Variants in CALN1 observed in about 807,000 individuals in gnomAD.
The protein encoded by CALN1 is calcium-binding protein 8.
A neutral mutation model predicts 30.6 loss-of-function variants in CALN1; 17 were observed. The ratio of observed to expected loss-of-function variants is 0.56; its 90% CI spans 0.38 to 0.83. The LOEUF (loss-of-function observed/expected upper bound fraction) is 0.83, where lower values mean the gene tolerates loss of function less well. CALN1 is among the 40% of genes least tolerant of loss of function. The pLI is 0.00. For synonymous variants in CALN1, 156 were observed against 131.4 expected (o/e 1.19, Z -1.28); for missense variants, 291 against 354.9 (o/e 0.82, Z 1.45).
intron 3 of CALN1, among the ~76,000 whole-genome samples, chr7:72,268,204 G>T (rs1173498064): frequency 6.6e-6 from 1 of 152,124 alleles, no homozygotes; most frequent in African/African-American, 2.4e-5. Context: ...TGAATGAATA[G>T]GTAGGGATTT....
At chr7:71,976,326 A>C (rs1476667958) in intron 5 of CALN1, among the ~76,000 whole-genome samples, 3 of 152,116 alleles carry the variant, frequency 2.0e-5, no homozygotes, top group Non-Finnish European at 4.4e-5. Context: ...GCTGGACGTG[A>C]CCTTCCAGGG....
chr7:71,889,543 C>T (rs745595687), intron 5 of CALN1, among the ~76,000 whole-genome samples: 36 of 152,214 alleles, frequency 2.4e-4, no homozygotes, highest in Non-Finnish European at 3.4e-4. Flanking sequence ...AACCACATCC[C>T]GAAAGGCCCC....
chr7:71,787,564 A>C lies in CALN1; in HGVS notation c.*211T>G. The C allele has an allele frequency of 1.9e-6, 1 of 539,488 alleles. No individual in the cohort carries two copies. Among genetic ancestry groups the C allele is most frequent in the South Asian group, 3.3e-5 (1 of 30,006 alleles). 33.4% of individuals were successfully genotyped at this position (539,488 alleles called of 1,614,324 possible). On this transcript the variant is annotated 3_prime_UTR_variant, in exon 7 of 7. Coordinates refer to ENST00000395275, the MANE Select transcript of CALN1 (RefSeq NM_031468.4). ...CATTAGAAAACAAAACCATTAAAGCACTGAAGACAGCCCTTTAGTGTCCCT... is the reference window on the plus strand; with the variant it reads ...CATTAGAAAACAAAACCATTAAAGCCCTGAAGACAGCCCTTTAGTGTCCCT...
rs111509013 is a variant in CALN1, at chr7:72,367,483, G to A, written c.119+35768C>T. Reference sequence around the variant, plus strand: ...TGCAAAAATAAATTGAAAAATTAACGGTGTGGTGGTGCATGCCTGTGATCC... The same window carrying A: ...TGCAAAAATAAATTGAAAAATTAACAGTGTGGTGGTGCATGCCTGTGATCC... On this transcript the variant is annotated intron_variant, in intron 2 of 6. Coordinates refer to ENST00000395275, the MANE Select transcript of CALN1 (RefSeq NM_031468.4). Among the ~76,000 whole-genome samples, 548 of 152,086 alleles carry A rather than the reference G, an allele frequency of 3.6e-3. 4 individuals are homozygous for A. Among genetic ancestry groups the A allele is most frequent in the Middle Eastern group, 0.017 (5 of 294 alleles).
At position 72,032,052 on chromosome 7, in the gene CALN1, C is replaced by CTTTT. The variant is rs1184047697; in HGVS notation, c.389-8287_389-8284dup. 1.2e-3 allele frequency among the ~76,000 whole-genome samples: 83 copies of CTTTT among 66,580 alleles called. 1 individual carries two copies. Among genetic ancestry groups the CTTTT allele is most frequent in the Non-Finnish European group, 1.8e-3 (60 of 34,030 alleles). The allele number at this position is 66,580 out of a possible 152,430, so 43.7% of individuals were successfully genotyped here. A position where few individuals can be genotyped will look rare whatever the true frequency, so the allele number is the denominator to read the frequency against. On this transcript the variant is annotated intron_variant, in intron 4 of 6. Transcript: ENST00000395275. ...GTGAGCCACCACACCTGGCTCCTGG[C>CTTTT]TTTTTTTTTTTTTTTTTTTTTTTTG...
chr7:72,080,030 C>T (rs1048401480), intron 4 of CALN1, among the ~76,000 whole-genome samples: 4 of 151,944 alleles, frequency 2.6e-5, no homozygotes, highest in African/African-American at 7.3e-5. Flanking sequence ...CTCGGCCTCC[C>T]GAAGTGCTGG....
At chr7:71,860,151 C>T (rs369096110) in intron 5 of CALN1, among the ~76,000 whole-genome samples, 9 of 151,758 alleles carry the variant, frequency 5.9e-5, no homozygotes, top group African/African-American at 7.3e-5. Flanking sequence ...TTCCTCCTTT[C>T]GGGAAAGCCC....
rs34304187 is a variant in CALN1, at chr7:72,367,109, T to TA, written c.119+36141dup. Among the ~76,000 whole-genome samples, 194 of 151,354 alleles carry TA rather than the reference T, an allele frequency of 1.3e-3. 1 individual carries two copies. The highest frequency in any genetic ancestry group is 3.9e-3 in the African/African-American group (162 of 41,210). ...ATGCTTCATGATTATATTTTAATAATAAAAAAAAACAGGCAAAAGAAACCT... is the reference window on the plus strand; with the variant it reads ...ATGCTTCATGATTATATTTTAATAATAAAAAAAAAACAGGCAAAAGAAACCT... On this transcript the variant is annotated intron_variant, in intron 2 of 6. Transcript: ENST00000395275.
intron 5 of CALN1, among the ~76,000 whole-genome samples, chr7:71,873,001 A>ATTTTTTTTTTTTTTTTTTTTT (rs371153112): frequency 8.6e-6 from 1 of 115,618 alleles, no homozygotes; most frequent in African/African-American, 3.6e-5. Flanking sequence ...GTTTGTGACA[A>ATTTTTTTTTTTTTTTTTTTTT]TTTTTTTTTT....
At chr7:72,100,821 CAAAA>C (rs35514026) in intron 4 of CALN1, among the ~76,000 whole-genome samples, 8 of 73,082 alleles carry the variant, frequency 1.1e-4, no homozygotes, top group African/African-American at 3.0e-4. Context: ...CTCCGTCTCA[CAAAA>C]AAAAAAAAAA....
intron 4 of CALN1, among the ~76,000 whole-genome samples, chr7:72,081,697 C>T (rs917650494): frequency 2.0e-5 from 3 of 151,940 alleles, no homozygotes; most frequent in African/African-American, 7.3e-5. Context: ...GCTGGGATTA[C>T]AGGTATGAGC....
chr7:72,326,355 C>A (rs1401642214), intron 2 of CALN1, among the ~76,000 whole-genome samples: 1 of 152,164 alleles, frequency 6.6e-6, no homozygotes, highest in Non-Finnish European at 1.5e-5. Context: ...TGACCCTGTG[C>A]AACATCTCTG....
At chr7:72,054,549 A>C (rs963515073) in intron 4 of CALN1, among the ~76,000 whole-genome samples, 20 of 136,650 alleles carry the variant, frequency 1.5e-4, no homozygotes, top group Non-Finnish European at 1.1e-4. Flanking sequence ...ATATACATAT[A>C]TATATATATA....
At position 72,283,153 on chromosome 7, in the gene CALN1, A is replaced by T. The variant is rs184211512; in HGVS notation, c.120-4343T>A. On this transcript the variant is annotated intron_variant, in intron 2 of 6. Coordinates refer to ENST00000395275, the MANE Select transcript of CALN1 (RefSeq NM_031468.4). Reference sequence around the variant, plus strand: ...ATTAGCCAGGTAAATAAGTAGTTTGACCTCTGTAAGCCTGTCTCCTCTTCT... The same window carrying T: ...ATTAGCCAGGTAAATAAGTAGTTTGTCCTCTGTAAGCCTGTCTCCTCTTCT... Among the ~76,000 whole-genome samples, 4 of 152,068 alleles carry T rather than the reference A, an allele frequency of 2.6e-5. No homozygotes were observed. In the East Asian group the frequency reaches 7.7e-4, roughly 29 times the overall value.
intron 5 of CALN1, among the ~76,000 whole-genome samples, chr7:72,009,717 G>T (rs544996032): frequency 6.6e-6 from 1 of 152,286 alleles, no homozygotes; most frequent in South Asian, 2.1e-4. Flanking sequence ...TAGTGAACAA[G>T]TCTTACAAGA....
intron 3 of CALN1, among the ~76,000 whole-genome samples, chr7:72,122,210 G>A (rs943832828): frequency 6.6e-6 from 1 of 152,084 alleles, no homozygotes; most frequent in Non-Finnish European, 1.5e-5. Flanking sequence ...CAGTTAATTT[G>A]TCATTAGATC....
chr7:71,880,941 C>A (rs1792525615), intron 5 of CALN1, among the ~76,000 whole-genome samples: 1 of 152,072 alleles, frequency 6.6e-6, no homozygotes, highest in African/African-American at 2.4e-5. Flanking sequence ...AGGATGTTGC[C>A]AAAGGAGATT....
intron 3 of CALN1, among the ~76,000 whole-genome samples, chr7:72,220,398 T>C (rs1423713376): frequency 6.6e-6 from 1 of 151,968 alleles, no homozygotes; most frequent in Non-Finnish European, 1.5e-5. Flanking sequence ...CTGCATAGTA[T>C]TCCATGGTGT....
intron 5 of CALN1, among the ~76,000 whole-genome samples, chr7:71,978,234 T>C (rs1026727846): frequency 4.0e-5 from 6 of 148,678 alleles, no homozygotes; most frequent in South Asian, 2.2e-4. Flanking sequence ...GAGTCAGTAT[T>C]GCAAAAACTC....
Sources: allele counts gnomAD v4.1 joint callset (sites outside exome capture counted in the v4.1 genomes callset), GRCh38; gene constraint gnomAD v4.1.1; transcripts MANE v1.5; gene names NCBI Gene and HGNC (gene_info 2026-07-23, HGNC 2026-07-21).